The following XRN1 variants were observed in gnomAD, a reference collection of about 807,000 sequenced individuals.
XRN1 encodes the protein 5'-3' exoribonuclease 1, also known as strand-exchange protein 1 homolog.
In XRN1, 67 loss-of-function variants were observed where a neutral mutation model predicts 222.3. The ratio of observed to expected loss-of-function variants is 0.30; its 90% CI spans 0.25 to 0.37. The LOEUF is 0.37. Among genes scored for constraint, XRN1 ranks in the 10% least tolerant of loss-of-function variants. The probability of loss-of-function intolerance (pLI) is 1.00; values close to 1 mark genes in which losing one functional copy is unlikely to be tolerated. For missense variants in XRN1, 1,707 were observed against 2,000.2 expected (o/e 0.85, Z 2.80); for synonymous variants, 643 against 652.4 (o/e 0.99, Z 0.22).
intron 1 of XRN1, among the ~76,000 whole-genome samples, chr3:142,444,336 G>A (rs530995253): frequency 2.8e-4 from 43 of 152,174 alleles, no homozygotes; most frequent in Non-Finnish European, 5.0e-4. Flanking sequence ...GGCCAGGCAC[G>A]GTGGCTCATG....
chr3:142,332,662 C>T, intron 35 of XRN1, 128 bp from the exon 36 acceptor site: 1 of 886,324 alleles, frequency 1.1e-6, no homozygotes, highest in Non-Finnish European at 1.6e-6. Flanking sequence ...TAACTACATT[C>T]AGATAGAAAC....
intron 33 of XRN1, among the ~76,000 whole-genome samples, chr3:142,345,106 T>C (rs916328712): frequency 6.6e-6 from 1 of 152,194 alleles, no homozygotes; most frequent in Non-Finnish European, 1.5e-5. Context: ...TACAGTCAAT[T>C]ACTTCTTAAA....
chr3:142,318,538 C>G, intron 39 of XRN1, 54 bp downstream of exon 39: 1 of 1,441,954 alleles, frequency 6.9e-7, no homozygotes, highest in Non-Finnish European at 9.5e-7. Context: ...CTTAAAAGAG[C>G]TTAGTAAAAA....
At chr3:142,347,121 A>G (rs1304816458) in intron 33 of XRN1, 113 bp downstream of exon 33, 5 of 785,068 alleles carry the variant, frequency 6.4e-6, no homozygotes, top group East Asian at 3.1e-5. Context: ...CACTTATCGT[A>G]TACTTTAAAA....
chr3:142,372,737 G>A (rs2067024951), intron 25 of XRN1, among the ~76,000 whole-genome samples: 1 of 152,202 alleles, frequency 6.6e-6, no homozygotes, highest in Non-Finnish European at 1.5e-5. Flanking sequence ...TCTGGGAGGT[G>A]TATCACAGTA....
intron 32 of XRN1, among the ~76,000 whole-genome samples, chr3:142,353,375 A>C (rs892173530): frequency 1.3e-5 from 2 of 152,228 alleles, no homozygotes. Context: ...TTAAACAAAA[A>C]GAACAATGTT....
intron 33 of XRN1, among the ~76,000 whole-genome samples, chr3:142,337,392 C>T (rs2065879754): frequency 6.6e-6 from 1 of 152,158 alleles, no homozygotes; most frequent in African/African-American, 2.4e-5. Flanking sequence ...CTCCATTATA[C>T]TCTAGGAGGT....
chr3:142,357,129 A>G lies in XRN1; in HGVS notation c.3465-10T>C, dbSNP rs115388405. On this transcript the variant is annotated splice_polypyrimidine_tract_variant and intron_variant, in intron 30 of 40. Coordinates refer to ENST00000392981, the MANE Select transcript of XRN1 (RefSeq NM_001282857.2). ...TCTACCAGGTGAGCATCTAAAAGTA[A>G]AAGTTATATCAGGGTTGGAAGGAAA... 415 of 1,596,902 alleles carry G rather than the reference A, an allele frequency of 2.6e-4. 1 individual carries two copies. In the African/African-American group the frequency reaches 5.0e-3, roughly 19 times the overall value.
intron 37 of XRN1, among the ~76,000 whole-genome samples, chr3:142,322,217 A>G (rs748366561): frequency 6.6e-6 from 1 of 152,104 alleles, no homozygotes; most frequent in Non-Finnish European, 1.5e-5. Context: ...TCATAATTAT[A>G]TATGCATATA....
At chr3:142,399,409 G>C (rs545872720) in intron 19 of XRN1, among the ~76,000 whole-genome samples, 4 of 152,004 alleles carry the variant, frequency 2.6e-5, no homozygotes, top group Non-Finnish European at 5.9e-5. Context: ...CATGAAAGTA[G>C]ATCTGCCCCT....
chr3:142,332,635 G>T, intron 35 of XRN1, 101 bp from the exon 36 acceptor site: 4 of 1,127,162 alleles, frequency 3.5e-6, no homozygotes, highest in South Asian at 2.2e-5. Flanking sequence ...GAATTCCATT[G>T]TTAACAATTA....
At chr3:142,406,874 G>T (rs1046469600) in intron 15 of XRN1, among the ~76,000 whole-genome samples, 4 of 152,174 alleles carry the variant, frequency 2.6e-5, no homozygotes, top group African/African-American at 9.6e-5. Flanking sequence ...ACAAAATCTT[G>T]CAGTCATCAT....
At position 142,421,648 on chromosome 3, in the gene XRN1, C is replaced by T. The variant is rs1473937882; in HGVS notation, c.968-105G>A. Reference sequence around the variant, plus strand: ...TGTTGAATGTTCATGTTCTACAGTACTAATCAAGAAAAAACAGTGTTGGAC... The same window carrying T: ...TGTTGAATGTTCATGTTCTACAGTATTAATCAAGAAAAAACAGTGTTGGAC... On this transcript the variant is annotated intron_variant, in intron 8 of 40. Coordinates refer to ENST00000392981, the MANE Select transcript of XRN1 (RefSeq NM_001282857.2). 4 of 762,138 alleles carry T rather than the reference C, an allele frequency of 5.2e-6. No individual in the cohort carries two copies. In the South Asian group the frequency reaches 7.1e-5, roughly 13 times the overall value. 47.2% of individuals were successfully genotyped at this position (762,138 alleles called of 1,614,324 possible). A position where few individuals can be genotyped will look rare whatever the true frequency, so the allele number is the denominator to read the frequency against.
chr3:142,372,392 C>T lies in XRN1; in HGVS notation c.2979-1064G>A, dbSNP rs143042279. Among the ~76,000 whole-genome samples the T allele has an allele frequency of 2.2e-4, 33 of 152,108 alleles. 1 individual carries two copies. Among genetic ancestry groups the T allele is most frequent in the African/African-American group, 6.8e-4 (28 of 41,476 alleles). On this transcript the variant is annotated intron_variant, in intron 25 of 40. Transcript: ENST00000392981. ...AGGGAGTGCTTGTTTGATCAACACC[C>T]GTGGAAGGGAAGGGAGAGGAAGAAA...
At chr3:142,371,179 G>T in intron 26 of XRN1, 60 bp downstream of exon 26, 1 of 1,298,278 alleles carries the variant, frequency 7.7e-7, no homozygotes, top group Non-Finnish European at 1.1e-6. Flanking sequence ...ACCAGCTGCA[G>T]TTGTCATTGA....
At chr3:142,334,765 T>TACACAC (rs1491418734) in intron 34 of XRN1, among the ~76,000 whole-genome samples, 192 of 114,188 alleles carry the variant, frequency 1.7e-3, no homozygotes, top group African/African-American at 8.1e-3. Flanking sequence ...TATGTCTATG[T>TACACAC]ATACACACAC....
intron 39 of XRN1, among the ~76,000 whole-genome samples, chr3:142,315,689 G>A (rs765287221): frequency 2.0e-5 from 3 of 151,602 alleles, no homozygotes; most frequent in South Asian, 2.1e-4. Context: ...TAGAATTTTC[G>A]TATTTTTAGT....
chr3:142,325,700 T>A (rs2065496673), intron 37 of XRN1, among the ~76,000 whole-genome samples: 1 of 152,220 alleles, frequency 6.6e-6, no homozygotes, highest in Non-Finnish European at 1.5e-5. Flanking sequence ...GCATTTTTGC[T>A]TTAGTTGCCT....
Position 142,421,068 on chromosome 3 carries a change from G to T in XRN1, c.1121C>A (p.Ala374Glu). 6.2e-7 allele frequency: 1 copy of T among 1,613,988 alleles called. No individual in the cohort carries two copies. The highest frequency in any genetic ancestry group is 1.1e-5 in the South Asian group (1 of 91,058). The change falls in exon 10 of 41, where the codon GCA becomes GAA. Residue 374 changes from alanine to glutamate, a missense_variant. This residue lies in a region of XRN1 where 1,234 missense variants were observed against 1,518.2 expected (regional missense o/e 0.81). Transcript: ENST00000392981. ...CCTGGCTTCTTCTGCTGCGACACCT[G>T]CTGCTTCATTGAGGTACTTGTTACC... ...KVGNKYLNEA[A>E]GVAAEEARNY...
Sources: gnomAD v4.1 joint callset for allele counts (sites outside exome capture counted in the v4.1 genomes callset) on GRCh38, gnomAD v4.1.1 for gene constraint, gnomAD v4.1.1 regional missense constraint, MANE v1.5 for transcripts, NCBI Gene and HGNC (gene_info 2026-07-23, HGNC 2026-07-21) for gene names.